The following EYA1 variants were observed in gnomAD, a reference collection of about 807,000 sequenced individuals.
The protein encoded by EYA1 is protein phosphatase EYA1.
Under a neutral mutation model 82.0 loss-of-function variants are expected in EYA1, and 16 were observed. The observed-to-expected ratio is 0.20, with a 90% CI of 0.13 to 0.30. EYA1 has a LOEUF of 0.30. Ranked by LOEUF, EYA1 falls within the 10% of genes least tolerant of loss-of-function variation. The pLI is 1.00. For synonymous variants in EYA1, 261 were observed against 264.4 expected, an observed-to-expected ratio of 0.99 and a Z score of 0.12; for missense variants, 633 against 730.7, an observed-to-expected ratio of 0.87 and a Z score of 1.54.
chr8:71,408,425 G>A (rs1830398084), intron 2 of EYA1, among the ~76,000 whole-genome samples: 1 of 121,658 alleles, frequency 8.2e-6, no homozygotes, highest in Non-Finnish European at 1.8e-5. Flanking sequence ...GACACAGACT[G>A]GCAAGTTGGA....
chr8:71,536,089 A>C (rs1413325211), intron 1 of EYA1, among the ~76,000 whole-genome samples: 1 of 152,204 alleles, frequency 6.6e-6, no homozygotes, highest in Non-Finnish European at 1.5e-5. Context: ...AGCCCAAGGA[A>C]AGAAAGGATG....
intron 2 of EYA1, among the ~76,000 whole-genome samples, chr8:71,531,599 T>C (rs1454411984): frequency 6.6e-6 from 1 of 152,174 alleles, no homozygotes; most frequent in Non-Finnish European, 1.5e-5. Flanking sequence ...GAAATCCTAG[T>C]AAACTAAAGA....
At chr8:71,223,173 A>G (rs963510172) in intron 12 of EYA1, among the ~76,000 whole-genome samples, 4 of 152,170 alleles carry the variant, frequency 2.6e-5, no homozygotes, top group Non-Finnish European at 5.9e-5. Flanking sequence ...ACACTGCCAC[A>G]GCGTGTCCTA....
intron 2 of EYA1, among the ~76,000 whole-genome samples, chr8:71,398,617 G>T (rs926706704): frequency 3.1e-4 from 47 of 152,198 alleles, no homozygotes; most frequent in African/African-American, 1.1e-3. Flanking sequence ...AGCAAATATT[G>T]CAGAACAGCA....
At chr8:71,541,294 T>C (rs1815118448) in intron 1 of EYA1, among the ~76,000 whole-genome samples, 1 of 152,248 alleles carries the variant, frequency 6.6e-6, no homozygotes. Context: ...AGTAAATGTA[T>C]ACACCAATAC....
chr8:71,504,388 A>G (rs1239621859), intron 2 of EYA1, among the ~76,000 whole-genome samples: 1 of 152,158 alleles, frequency 6.6e-6, no homozygotes, highest in Non-Finnish European at 1.5e-5. Context: ...TTCAAGTCCC[A>G]TTTTAGTATG....
At chr8:71,513,557 TA>T (rs1453911834) in intron 2 of EYA1, among the ~76,000 whole-genome samples, 1 of 152,120 alleles carries the variant, frequency 6.6e-6, no homozygotes, top group African/African-American at 2.4e-5. Context: ...CACATCAGGG[TA>T]AATGGGGCAA....
At chr8:71,254,202 AC>A (rs1339183644) in intron 11 of EYA1, among the ~76,000 whole-genome samples, 11 of 151,118 alleles carry the variant, frequency 7.3e-5, no homozygotes, top group African/African-American at 2.4e-4. Flanking sequence ...AAAAACAACA[AC>A]TAGATGCTCA....
intron 11 of EYA1, among the ~76,000 whole-genome samples, chr8:71,263,995 T>G (rs1815459164): frequency 6.6e-6 from 1 of 152,250 alleles, no homozygotes; most frequent in Admixed American, 6.5e-5. Flanking sequence ...TGGTTGCTTT[T>G]GCACTACTAA....
intron 2 of EYA1, among the ~76,000 whole-genome samples, chr8:71,486,481 T>A (rs58986974): frequency 6.6e-6 from 1 of 152,150 alleles, no homozygotes; most frequent in African/African-American, 2.4e-5. Context: ...GGGTCCTTTT[T>A]CTCCTGCCCA....
intron 2 of EYA1, among the ~76,000 whole-genome samples, chr8:71,496,477 A>T (rs917778353): frequency 6.6e-6 from 1 of 152,246 alleles, no homozygotes; most frequent in Admixed American, 6.5e-5. Flanking sequence ...ATTTATATCT[A>T]AGCGAAACGT....
chr8:71,261,399 A>G (rs1815090308), intron 11 of EYA1, among the ~76,000 whole-genome samples: 1 of 152,174 alleles, frequency 6.6e-6, no homozygotes, highest in Non-Finnish European at 1.5e-5. Flanking sequence ...AAGAAATAAT[A>G]CAGATTACCA....
intron 2 of EYA1, among the ~76,000 whole-genome samples, chr8:71,374,030 A>G (rs540169381): frequency 2.0e-5 from 3 of 152,128 alleles, no homozygotes; most frequent in Non-Finnish European, 4.4e-5. Context: ...ATACCATACA[A>G]CTCTTAGAAG....
chr8:71,256,794 G>A (rs1814480200), intron 11 of EYA1, among the ~76,000 whole-genome samples: 1 of 152,156 alleles, frequency 6.6e-6, no homozygotes, highest in African/African-American at 2.4e-5. Flanking sequence ...GAGGTCAGGA[G>A]TTCAAGACCA....
intron 2 of EYA1, among the ~76,000 whole-genome samples, chr8:71,504,511 T>G (rs2129241199): frequency 6.6e-6 from 1 of 152,358 alleles, no homozygotes; most frequent in South Asian, 2.1e-4. Context: ...AAATCACCTG[T>G]AAAGTAGATC....
At chr8:71,497,979 T>C (rs1165109649) in intron 2 of EYA1, among the ~76,000 whole-genome samples, 1 of 152,008 alleles carries the variant, frequency 6.6e-6, no homozygotes, top group Non-Finnish European at 1.5e-5. Flanking sequence ...AGATCACTCA[T>C]ATGTGGAATC....
intron 2 of EYA1, among the ~76,000 whole-genome samples, chr8:71,521,931 T>C (rs994940707): frequency 6.6e-6 from 1 of 152,140 alleles, no homozygotes; most frequent in South Asian, 2.1e-4. Context: ...ACAGGATAAG[T>C]TCCTTGAGTT....
chr8:71,280,430 T>C (rs574614799), intron 9 of EYA1, among the ~76,000 whole-genome samples: 2 of 152,328 alleles, frequency 1.3e-5, no homozygotes, highest in Admixed American at 1.3e-4. Context: ...CAGATATTTC[T>C]AACAAACCCA....
chr8:71,532,669 A>G (rs1461263821), intron 2 of EYA1, among the ~76,000 whole-genome samples: 1 of 152,194 alleles, frequency 6.6e-6, no homozygotes, highest in Non-Finnish European at 1.5e-5. Flanking sequence ...TCCGATTCCT[A>G]TCAGAAATAT....
Sources: gnomAD v4.1 joint callset for allele counts (sites outside exome capture counted in the v4.1 genomes callset) on GRCh38, gnomAD v4.1.1 for gene constraint, MANE v1.5 for transcripts, NCBI Gene and HGNC (gene_info 2026-07-23, HGNC 2026-07-21) for gene names.